DENND2A: variants seen among roughly 807,000 people sequenced by gnomAD.
DENND2A encodes the protein DENN domain-containing protein 2A.
A neutral mutation model predicts 105.3 loss-of-function variants in DENND2A; 53 were observed. The ratio of observed to expected loss-of-function variants is 0.50; its 90% confidence interval spans 0.40 to 0.63. The LOEUF is 0.63. Ranked by LOEUF, DENND2A falls within the 30% of genes least tolerant of loss-of-function variation. DENND2A has a pLI of 0.00. For missense variants in DENND2A, 1,138 were observed against 1,279.6 expected (o/e 0.89, Z 1.69); for synonymous variants, 522 against 508.4 (o/e 1.03, Z -0.36).
chr7:140,620,231 A>G (rs1800232775), intron 1 of DENND2A, among the ~76,000 whole-genome samples: 1 of 151,804 alleles, frequency 6.6e-6, no homozygotes, highest in Non-Finnish European at 1.5e-5. Flanking sequence ...AACTGAAGCT[A>G]GAAAGAAAAA....
intron 3 of DENND2A, among the ~76,000 whole-genome samples, chr7:140,598,668 C>T (rs1197433199): frequency 6.6e-6 from 1 of 151,454 alleles, no homozygotes; most frequent in Non-Finnish European, 1.5e-5. Flanking sequence ...AATACAAAGA[C>T]CATATGAGAA....
chr7:140,591,678 T>TTTCTTTCC (rs745312474), intron 3 of DENND2A, among the ~76,000 whole-genome samples: 3,839 of 143,960 alleles, frequency 0.027, 77 homozygotes, highest in African/African-American at 0.069. Context: ...TTTCTCTTTC[T>TTTCTTTCC]TTCTTTCTTT....
chr7:140,566,725 C>A (rs1257889303), intron 9 of DENND2A, among the ~76,000 whole-genome samples: 3 of 126,644 alleles, frequency 2.4e-5, no homozygotes, highest in Non-Finnish European at 4.7e-5. Flanking sequence ...TTTGCTCTGT[C>A]GCCCAGGCCG....
chr7:140,602,264 T>A lies in DENND2A; in HGVS notation c.134A>T (p.Asn45Ile). 1.9e-6 allele frequency: 3 copies of A among 1,613,106 alleles called. No individual in the cohort carries two copies. The highest frequency in any genetic ancestry group is 2.5e-6 in the Non-Finnish European group (3 of 1,180,018). ...ARARPRHKSLNIKDKISEWEG... is the reference protein window; with the variant it reads ...ARARPRHKSLIIKDKISEWEG... ...CCATTCTGATATCTTGTCCTTTATGTTGAGGGACTTGTGCCGGGGTCTGGC... is the reference window on the plus strand; with the variant it reads ...CCATTCTGATATCTTGTCCTTTATGATGAGGGACTTGTGCCGGGGTCTGGC... Residue 45 changes from asparagine to isoleucine, a missense_variant, in exon 3 of 20, where the codon AAC becomes ATC. Physicochemically the swap from Asn to Ile is moderately radical, Grantham distance 149 (BLOSUM62 -3). This residue lies in a region of DENND2A where 511 missense variants were observed against 499.9 expected (regional missense o/e 1.02). Coordinates refer to ENST00000496613, the MANE Select transcript of DENND2A (RefSeq NM_015689.5).
chr7:140,602,013 T>C lies in DENND2A; in HGVS notation c.385A>G (p.Ser129Gly), dbSNP rs773171357. ...GQDPEPGQDL[S>G]QPEREVDPSW... ...GGATCCACTTCCCGTTCTGGCTGGC[T>C]TAGGTCTTGCCCCGGCTCTGGGTCC... Residue 129 changes from serine (S) to glycine (G), a missense_variant, in exon 3 of 20, where the codon AGC (serine) becomes GGC (glycine). Transcript: ENST00000496613. 20 of 1,614,208 alleles carry C rather than the reference T, an allele frequency of 1.2e-5. No homozygotes were observed. The highest frequency in any genetic ancestry group is 1.7e-5 in the Admixed American group (1 of 60,028).
intron 6 of DENND2A, among the ~76,000 whole-genome samples, chr7:140,572,072 T>C (rs1798115626): frequency 6.6e-6 from 1 of 152,100 alleles, no homozygotes; most frequent in Non-Finnish European, 1.5e-5. Context: ...GGCATGATCA[T>C]AGCTCACTGC....
chr7:140,534,498 G>T (rs1698441325), intron 14 of DENND2A, among the ~76,000 whole-genome samples: 1 of 152,206 alleles, frequency 6.6e-6, no homozygotes, highest in African/African-American at 2.4e-5. Context: ...GAGCAGGAAA[G>T]GATTATTTTG....
chr7:140,639,188 C>T (rs996712583), intron 1 of DENND2A, among the ~76,000 whole-genome samples: 1 of 151,972 alleles, frequency 6.6e-6, no homozygotes, highest in Non-Finnish European at 1.5e-5. Flanking sequence ...CCCGTCTCTA[C>T]TAAAAATACA....
chr7:140,607,461 C>A (rs1799734371), intron 1 of DENND2A, among the ~76,000 whole-genome samples: 2 of 152,270 alleles, frequency 1.3e-5, no homozygotes, highest in East Asian at 3.9e-4. Context: ...GGAGCTCTGG[C>A]CTGTCCATGG....
chr7:140,602,909 T>TA (rs1457890770), intron 2 of DENND2A, among the ~76,000 whole-genome samples: 3 of 152,134 alleles, frequency 2.0e-5, no homozygotes, highest in African/African-American at 4.8e-5. Flanking sequence ...GGCTTGGGTT[T>TA]AAATCCTAAT....
intron 1 of DENND2A, among the ~76,000 whole-genome samples, chr7:140,627,101 G>C (rs1800559961): frequency 6.6e-6 from 1 of 152,194 alleles, no homozygotes; most frequent in East Asian, 1.9e-4. Context: ...CCCAGAAAAA[G>C]CGCTCAGCAA....
chr7:140,565,774 G>A (rs910092021), intron 9 of DENND2A, among the ~76,000 whole-genome samples: 12 of 151,954 alleles, frequency 7.9e-5, no homozygotes, highest in Admixed American at 2.6e-4. Context: ...ACAGGAGGTC[G>A]GCACAAAATA....
intron 17 of DENND2A, 84 bp from the exon 18 acceptor site, chr7:140,522,184 A>C (rs1163083061): frequency 6.5e-7 from 1 of 1,541,664 alleles, no homozygotes; most frequent in Non-Finnish European, 8.8e-7. Context: ...TGGTAATCAA[A>C]GAACAGTAAC....
At chr7:140,568,916 G>A (rs149969470) in intron 7 of DENND2A, 103 bp from the exon 8 acceptor site, 16,764 of 1,200,668 alleles carry the variant, frequency 0.014, 172 homozygotes, top group Non-Finnish European at 0.017. Flanking sequence ...ATTCAGAGGG[G>A]ATGTTGAGTT....
rs576469502 is a variant in DENND2A, at chr7:140,613,039, G to A, written c.-247-7233C>T. Among the ~76,000 whole-genome samples, 216 of 150,154 alleles carry A rather than the reference G, an allele frequency of 1.4e-3. 3 individuals carry two copies. Among genetic ancestry groups the A allele is most frequent in the African/African-American group, 5.0e-3 (206 of 40,960 alleles). On this transcript the variant is annotated intron_variant, in intron 1 of 19. Transcript: ENST00000496613. ...TGAGGCAGGAGAATGGCTTGAACCC[G>A]GGAGGCGGAGGTTGCAGTGAGCCAA...
chr7:140,614,077 G>A (rs1375682095), intron 1 of DENND2A, among the ~76,000 whole-genome samples: 2 of 151,986 alleles, frequency 1.3e-5, no homozygotes, highest in Non-Finnish European at 2.9e-5. Flanking sequence ...TTTGGAAAAA[G>A]CACAGGAGAC....
chr7:140,573,941 G>C lies in DENND2A; in HGVS notation c.1313C>G (p.Thr438Ser), dbSNP rs375009610. 3.7e-6 allele frequency: 6 copies of C among 1,614,158 alleles called. No individual in the cohort carries two copies. The South Asian group carries it at 6.6e-5, about 18-fold the overall frequency. Reference protein sequence around the residue: ...SERRNFKLLDTRKLSRDGTGS... With the variant: ...SERRNFKLLDSRKLSRDGTGS... ...AGTTCCATCCCGACTCAGCTTCCTA[G>C]TGTCCAGCAGCTTGAAGTTCCTCCT... Residue 438 changes from threonine (T) to serine (S), a missense_variant, in exon 6 of 20, where the codon ACT becomes AGT. Transcript: ENST00000496613.
At chr7:140,585,742 G>T in intron 4 of DENND2A, 32 bp from the exon 5 acceptor site, 1 of 1,613,758 alleles carries the variant, frequency 6.2e-7, no homozygotes, top group Non-Finnish European at 8.5e-7. Flanking sequence ...CAGGAACCTG[G>T]GAACACTGAG....
At chr7:140,522,438 C>G (rs973761630) in intron 17 of DENND2A, among the ~76,000 whole-genome samples, 1 of 151,816 alleles carries the variant, frequency 6.6e-6, no homozygotes, top group Non-Finnish European at 1.5e-5. Context: ...CTCAGCCTCC[C>G]GAGTAGCTGG....
Sources: allele counts gnomAD v4.1 joint callset (sites outside exome capture counted in the v4.1 genomes callset), GRCh38; gene constraint gnomAD v4.1.1; regional missense constraint gnomAD v4.1.1; transcripts MANE v1.5; gene names NCBI Gene and HGNC (gene_info 2026-07-23, HGNC 2026-07-21).